The following CFAP47 variants were observed in gnomAD, a reference collection of about 807,000 sequenced individuals.
CFAP47 encodes the protein cilia and flagella associated protein 47, also known as cilia- and flagella-associated protein 47.
A neutral mutation model predicts 148.1 loss-of-function variants in CFAP47; 29 were observed. The observed-to-expected ratio is 0.20, with a 90% CI of 0.15 to 0.27. The LOEUF is 0.27. Ranked by LOEUF, CFAP47 falls within the 10% of genes least tolerant of loss-of-function variation. CFAP47 has a pLI of 1.00. For missense variants in CFAP47, 1,872 were observed against 1,697.5 expected (o/e 1.10, Z -1.81); for synonymous variants, 664 against 577.3 (o/e 1.15, Z -2.15).
intron 46 of CFAP47, among the ~76,000 whole-genome samples, chrX:36,230,501 T>C (rs1555992341): frequency 1.9e-5 from 2 of 103,420 alleles, no homozygotes; most frequent in Admixed American, 2.1e-4. Flanking sequence ...TTGTAGAATC[T>C]GGATATTAGC....
chrX:36,231,427 G>A (rs1417427411), intron 46 of CFAP47, among the ~76,000 whole-genome samples: 3 of 108,688 alleles, frequency 2.8e-5, no homozygotes, highest in Non-Finnish European at 3.8e-5. Context: ...TGTTATTGGT[G>A]TATAAGAATG....
At chrX:36,193,091 C>A (rs1440732412) in intron 42 of CFAP47, among the ~76,000 whole-genome samples, 5 of 112,083 alleles carry the variant, frequency 4.5e-5, no homozygotes, top group Non-Finnish European at 9.4e-5. Flanking sequence ...TCCTCTGATT[C>A]TTTCCACTCT....
At chrX:36,117,921 C>T (rs1389946806) in intron 33 of CFAP47, among the ~76,000 whole-genome samples, 1 of 111,567 alleles carries the variant, frequency 9.0e-6, no homozygotes, top group Non-Finnish European at 1.9e-5. Flanking sequence ...TATTTATATA[C>T]GAAAAGAGAT....
intron 55 of CFAP47, among the ~76,000 whole-genome samples, chrX:36,307,614 C>G (rs1459668997): frequency 1.8e-5 from 2 of 110,588 alleles, no homozygotes; most frequent in African/African-American, 6.6e-5. Context: ...ATTTTTACTT[C>G]TTCAAATGTT....
intron 33 of CFAP47, among the ~76,000 whole-genome samples, chrX:36,110,704 G>T (rs1938541597): frequency 8.9e-6 from 1 of 111,837 alleles, no homozygotes; most frequent in African/African-American, 3.3e-5. Flanking sequence ...TGGGTCATAT[G>T]GTCATTTTCA....
At chrX:36,079,024 T>G (rs1410582835) in intron 29 of CFAP47, among the ~76,000 whole-genome samples, 1 of 112,044 alleles carries the variant, frequency 8.9e-6, no homozygotes, top group Admixed American at 9.5e-5. Context: ...TTCTGGCTTG[T>G]AGGGTTTCTG....
intron 21 of CFAP47, among the ~76,000 whole-genome samples, chrX:36,010,462 GT>G (rs767014835): frequency 0.035 from 3,456 of 97,387 alleles, 149 homozygotes; most frequent in African/African-American, 0.11. Context: ...AAGTTTTGTC[GT>G]TTTTTTTTTT....
At chrX:36,376,071 T>C (rs985511888) in intron 62 of CFAP47, among the ~76,000 whole-genome samples, 13 of 111,756 alleles carry the variant, frequency 1.2e-4, no homozygotes, top group African/African-American at 3.6e-4. Context: ...TGGACACTTC[T>C]GTGGAGGCAG....
chrX:35,961,538 G>A (rs1936331199), intron 8 of CFAP47, among the ~76,000 whole-genome samples: 1 of 110,878 alleles, frequency 9.0e-6, no homozygotes, highest in African/African-American at 3.3e-5. Context: ...TCTTGGGTCA[G>A]TTTCAGTAGT....
chrX:36,046,694 A>C (rs1163701491), intron 25 of CFAP47, among the ~76,000 whole-genome samples, 160 bp from the exon 26 acceptor site: 1 of 112,059 alleles, frequency 8.9e-6, no homozygotes, highest in Non-Finnish European at 1.9e-5. Context: ...GTGATCAGAA[A>C]ATAAGAGATG....
rs1356334766 is a variant in CFAP47, at chrX:36,065,728, A to G, written c.4303A>G (p.Ile1435Val). 1.7e-6 allele frequency: 2 copies of G among 1,146,931 alleles called. No individual in the cohort carries two copies. Among genetic ancestry groups the G allele is most frequent in the Admixed American group, 2.2e-5 (1 of 44,786 alleles). The allele number at this position is 1,146,931 out of a possible 1,213,427, so 94.5% of individuals were successfully genotyped here. Reference sequence around the variant, plus strand: ...GGCAATTCATCTGGATAAGCAAAACATTATTTTAAAGAATGGTAAGCTATG... The same window carrying G: ...GGCAATTCATCTGGATAAGCAAAACGTTATTTTAAAGAATGGTAAGCTATG... ...YMAIHLDKQN[I>V]ILKNDKDEYL... The change falls in exon 27 of 64, where the codon ATT becomes GTT. Residue 1435 changes from isoleucine to valine, a missense_variant. Coordinates refer to ENST00000378653, the MANE Select transcript of CFAP47 (RefSeq NM_001304548.2).
Position 36,014,818 on chromosome X carries a change from T to A in CFAP47, c.3462T>A (p.Phe1154Leu), listed in dbSNP as rs1937079046. ...TCATTCAAGTTCAGATTAATTTCTT[T>A]GAGTCTTCAAAGCTCTACACTAAAT... The part of the protein sequence containing the change: ...EFIIQVQINF[F>L]ESSKLYTKYL... Residue 1154 changes from phenylalanine (F) to leucine (L), a missense_variant, in exon 22 of 64, where the codon TTT becomes TTA. By Grantham distance (22) the Phe-to-Leu change is conservative. Transcript: ENST00000378653. 3.4e-6 allele frequency: 1 copy of A among 292,793 alleles called. No homozygotes were observed. Among genetic ancestry groups the A allele is most frequent in the Non-Finnish European group, 5.9e-6 (1 of 168,280 alleles). 24.1% of individuals were successfully genotyped at this position (292,793 alleles called of 1,213,427 possible).
At chrX:36,013,780 CACTT>C (rs1276107440) in intron 21 of CFAP47, among the ~76,000 whole-genome samples, 1 of 112,012 alleles carries the variant, frequency 8.9e-6, no homozygotes, top group African/African-American at 3.2e-5. Context: ...TGACTTCTCT[CACTT>C]AGCATAATAA....
At chrX:36,109,955 T>C (rs1938529166) in intron 33 of CFAP47, among the ~76,000 whole-genome samples, 1 of 111,951 alleles carries the variant, frequency 8.9e-6, no homozygotes, top group African/African-American at 3.3e-5. Flanking sequence ...AATGGGTTGT[T>C]TCTTTTTGGC....
intron 26 of CFAP47, among the ~76,000 whole-genome samples, chrX:36,056,857 A>T (rs1024789964): frequency 8.4e-4 from 94 of 112,224 alleles, no homozygotes; most frequent in African/African-American, 2.9e-3. Context: ...TTTCAGCCTG[A>T]TACCAGAAAC....
intron 20 of CFAP47, 142 bp downstream of exon 20, chrX:36,000,569 CTG>C (rs1936902143): frequency 3.9e-6 from 1 of 257,307 alleles, no homozygotes; most frequent in South Asian, 2.6e-4. Flanking sequence ...TTCTTACACT[CTG>C]TAACTCATCA....
At chrX:36,371,569 A>ATG (rs782747642) in intron 62 of CFAP47, among the ~76,000 whole-genome samples, 1 of 98,617 alleles carries the variant, frequency 1.0e-5, no homozygotes, top group Non-Finnish European at 2.0e-5. Flanking sequence ...GTGTATATAT[A>ATG]TGTGTGTATA....
intron 18 of CFAP47, among the ~76,000 whole-genome samples, chrX:35,996,040 A>T (rs774708280): frequency 9.0e-6 from 1 of 110,952 alleles, no homozygotes; most frequent in South Asian, 3.8e-4. Context: ...GAGGTTGTGC[A>T]TTTATGAGGA....
intron 29 of CFAP47, among the ~76,000 whole-genome samples, chrX:36,075,671 G>A (rs962951541): frequency 2.7e-5 from 3 of 111,760 alleles, no homozygotes; most frequent in South Asian, 3.7e-4. Flanking sequence ...ACAGTTTTTC[G>A]ACACTTGTTT....
Sources: gnomAD v4.1 joint callset for allele counts (sites outside exome capture counted in the v4.1 genomes callset) on GRCh38, gnomAD v4.1.1 for gene constraint, MANE v1.5 for transcripts, NCBI Gene and HGNC (gene_info 2026-07-23, HGNC 2026-07-21) for gene names.